Variants in RAPGEF2 observed in about 807,000 individuals in gnomAD.
RAPGEF2 encodes the protein Rap guanine nucleotide exchange factor 2.
A neutral mutation model predicts 186.7 loss-of-function variants in RAPGEF2; 54 were observed. The observed-to-expected ratio is 0.29, with a 90% CI of 0.23 to 0.36. RAPGEF2 has a LOEUF of 0.36. RAPGEF2 is among the 10% of genes least tolerant of loss of function. The probability of loss-of-function intolerance (pLI) is 1.00; values close to 1 mark genes in which losing one functional copy is unlikely to be tolerated. For synonymous variants in RAPGEF2, 712 were observed against 705.9 expected (o/e 1.01, Z -0.14); for missense variants, 1,532 against 2,045.0 (o/e 0.75, Z 4.84).
rs70962664 is a variant in RAPGEF2 at position 159,219,347 on chromosome 4, C to CTTTTTTT, written c.281+8784_281+8790dup. On this transcript the variant is annotated intron_variant, in intron 4 of 29. Transcript: ENST00000691494. ...CAAGGGATAGTGTCCCAACTGTATC[C>CTTTTTTT]TTTTTTTTTTTTTTTTTTTTTTTTT... Among the ~76,000 whole-genome samples the CTTTTTTT allele has an allele frequency of 1.1e-4, 9 of 81,420 alleles. 1 individual carries two copies. Among genetic ancestry groups the CTTTTTTT allele is most frequent in the African/African-American group, 3.9e-4 (7 of 17,786 alleles). The allele number at this position is 81,420 out of a possible 152,430, so 53.4% of individuals were successfully genotyped here.
chr4:159,336,349 A>G (rs1442679724), intron 17 of RAPGEF2, among the ~76,000 whole-genome samples: 9 of 152,214 alleles, frequency 5.9e-5, no homozygotes, highest in Non-Finnish European at 7.4e-5. Flanking sequence ...CTGAGTCTCC[A>G]AAGTCCATTG....
chr4:159,295,818 A>T (rs1011050952), intron 7 of RAPGEF2, among the ~76,000 whole-genome samples: 1 of 151,690 alleles, frequency 6.6e-6, no homozygotes, highest in East Asian at 1.9e-4. Flanking sequence ...TGGGGAAATT[A>T]TATAAAAGAC....
intron 7 of RAPGEF2, among the ~76,000 whole-genome samples, chr4:159,292,317 G>A (rs988962421): frequency 6.6e-6 from 1 of 152,146 alleles, no homozygotes; most frequent in Non-Finnish European, 1.5e-5. Context: ...TTTGCTCTTA[G>A]TGTGTTTGTT....
chr4:159,122,991 A>G (rs538568391), intron 1 of RAPGEF2, among the ~76,000 whole-genome samples: 50 of 152,048 alleles, frequency 3.3e-4, no homozygotes, highest in Middle Eastern at 3.4e-3. Context: ...AACAAATTTA[A>G]GATACTGATA....
chr4:159,335,835 CAAAAAA>C (rs778302629), intron 17 of RAPGEF2, among the ~76,000 whole-genome samples: 1,752 of 48,140 alleles, frequency 0.036, 20 homozygotes, highest in Middle Eastern at 0.069. Flanking sequence ...GACTCCGTCT[CAAAAAA>C]AAAAAAAAAA....
intron 4 of RAPGEF2, among the ~76,000 whole-genome samples, chr4:159,222,719 G>A (rs1156297877): frequency 6.6e-6 from 1 of 152,072 alleles, no homozygotes; most frequent in Non-Finnish European, 1.5e-5. Context: ...AAATAACATA[G>A]CAGCTAAATT....
At position 159,201,295 on chromosome 4, in the gene RAPGEF2, GTA is replaced by G. The variant is rs561273845; in HGVS notation, c.197+8041_197+8042del. 2.7e-3 allele frequency among the ~76,000 whole-genome samples: 415 copies of G among 152,298 alleles called. 1 individual carries two copies. The highest frequency in any genetic ancestry group is 9.3e-3 in the African/African-American group (388 of 41,554). On this transcript the variant is annotated intron_variant, in intron 3 of 29. Transcript: ENST00000691494. The stretch of plus-strand genomic sequence containing the variant: ...TTGTGAAAAAGATTAAAATTATTGT[GTA>G]TCTGGAAAGCCATCTGTCTATTGGA...
intron 1 of RAPGEF2, 48 bp from the exon 2 acceptor site, chr4:159,186,594 C>T: frequency 1.0e-6 from 1 of 986,536 alleles, no homozygotes; most frequent in South Asian, 1.8e-5. Context: ...TTTTAGAAAC[C>T]CCTTTTCCTG....
At chr4:159,192,685 T>C (rs1184533387) in intron 2 of RAPGEF2, among the ~76,000 whole-genome samples, 1 of 152,218 alleles carries the variant, frequency 6.6e-6, no homozygotes, top group Non-Finnish European at 1.5e-5. Flanking sequence ...TAACAAATCT[T>C]TAAAGTTCTA....
chr4:159,288,000 A>G (rs1760731408), intron 7 of RAPGEF2, among the ~76,000 whole-genome samples: 2 of 152,192 alleles, frequency 1.3e-5, no homozygotes, highest in Non-Finnish European at 2.9e-5. Flanking sequence ...TGTTCTCACA[A>G]CTGTCTTGTT....
At chr4:159,128,247 G>A in intron 1 of RAPGEF2, among the ~76,000 whole-genome samples, 1 of 152,082 alleles carries the variant, frequency 6.6e-6, no homozygotes, top group East Asian at 1.9e-4. Flanking sequence ...TAATTCTACT[G>A]AGGAAGACTA....
At position 159,300,796 on chromosome 4, in the gene RAPGEF2, C is replaced by CAACG. The variant is rs1762563668; in HGVS notation, c.544-3546_544-3545insAACG. On this transcript the variant is annotated intron_variant, in intron 7 of 29. Transcript: ENST00000691494. ...AAAAGTTTAGAGTAAGGGATGCTTGCTGTCACGTTGTGCCTTGTATATATT... is the reference window on the plus strand; with the variant it reads ...AAAAGTTTAGAGTAAGGGATGCTTGCAACGTGTCACGTTGTGCCTTGTATATATT... Among the ~76,000 whole-genome samples the CAACG allele has an allele frequency of 5.9e-5, 9 of 152,286 alleles. No individual in the cohort carries two copies. The South Asian group carries it at 6.2e-4, about 11-fold the overall frequency.
chr4:159,159,599 G>A (rs1443431134), intron 1 of RAPGEF2, among the ~76,000 whole-genome samples: 1 of 152,076 alleles, frequency 6.6e-6, no homozygotes, highest in Non-Finnish European at 1.5e-5. Context: ...GTGTAGTGTT[G>A]TTCCAAGAGG....
chr4:159,281,161 T>C (rs1217669407), intron 7 of RAPGEF2, among the ~76,000 whole-genome samples: 1 of 151,844 alleles, frequency 6.6e-6, no homozygotes, highest in Non-Finnish European at 1.5e-5. Flanking sequence ...GCAGCTAATT[T>C]TTGTATTTTT....
At chr4:159,293,158 T>C (rs1761462078) in intron 7 of RAPGEF2, among the ~76,000 whole-genome samples, 1 of 151,028 alleles carries the variant, frequency 6.6e-6, no homozygotes, top group Non-Finnish European at 1.5e-5. Context: ...GAAGATGATA[T>C]AATTAAAATT....
At chr4:159,246,513 T>A (rs1754645099) in intron 7 of RAPGEF2, among the ~76,000 whole-genome samples, 1 of 152,154 alleles carries the variant, frequency 6.6e-6, no homozygotes, top group South Asian at 2.1e-4. Context: ...TCCTAGGATA[T>A]ACCTTAAATA....
intron 19 of RAPGEF2, among the ~76,000 whole-genome samples, 191 bp downstream of exon 19, chr4:159,339,545 T>C (rs539942104): frequency 3.9e-5 from 6 of 152,180 alleles, no homozygotes; most frequent in Admixed American, 3.3e-4. Context: ...AGTCGACTAC[T>C]GACCCTAACA....
chr4:159,318,111 G>C (rs1314601589), intron 9 of RAPGEF2, among the ~76,000 whole-genome samples: 3 of 151,626 alleles, frequency 2.0e-5, no homozygotes, highest in Admixed American at 6.6e-5. Context: ...GCATTTATTT[G>C]AATACCAGTT....
chr4:159,348,168 C>T (rs1333599048), intron 25 of RAPGEF2, among the ~76,000 whole-genome samples: 1 of 150,868 alleles, frequency 6.6e-6, no homozygotes, highest in Non-Finnish European at 1.5e-5. Context: ...TTGTAATAAG[C>T]CGGGATTGCA....
Sources: allele counts gnomAD v4.1 joint callset (sites outside exome capture counted in the v4.1 genomes callset), GRCh38; gene constraint gnomAD v4.1.1; transcripts MANE v1.5; gene names NCBI Gene and HGNC (gene_info 2026-07-23, HGNC 2026-07-21).